The following ZSCAN4 variants were observed in gnomAD, a reference collection of about 807,000 sequenced individuals.
ZSCAN4 encodes zinc finger and SCAN domain-containing protein 4.
Under a neutral mutation model 18.3 loss-of-function variants are expected in ZSCAN4, and 18 were observed. The ratio of observed to expected loss-of-function variants is 0.98; its 90% CI spans 0.68 to 1.46. ZSCAN4 has a LOEUF of 1.46. Ranked by LOEUF, ZSCAN4 falls within the 40% of genes most tolerant of loss-of-function variation. The pLI is 0.00. For synonymous variants in ZSCAN4, 193 were observed against 180.3 expected (o/e 1.07, Z -0.57); for missense variants, 498 against 511.4 (o/e 0.97, Z 0.25).
chr19:57,659,009 A>G, the ZSCAN4 span, among the ~76,000 whole-genome samples: 23 of 152,258 alleles, frequency 1.5e-4, no homozygotes, highest in African/African-American at 4.6e-4. Context: ...GTCTGCACAT[A>G]TAGTCAATTA....
At chr19:57,665,286 C>G (rs1225190875), upstream of ZSCAN4, among the ~76,000 whole-genome samples, 1 of 152,166 alleles carries the variant, frequency 6.6e-6, no homozygotes, top group African/African-American at 2.4e-5. Flanking sequence ...TTTTCTGTAA[C>G]TTCAGTTCTG....
chr19:57,658,400 T>G, the ZSCAN4 span, among the ~76,000 whole-genome samples: 1 of 152,202 alleles, frequency 6.6e-6, no homozygotes, highest in East Asian at 1.9e-4. Context: ...ATTGTGGTAG[T>G]GGTTACATGC....
chr19:57,660,571 T>C, the ZSCAN4 span, among the ~76,000 whole-genome samples: 1 of 152,222 alleles, frequency 6.6e-6, no homozygotes, highest in Non-Finnish European at 1.5e-5. Context: ...CAGATAAATA[T>C]GGGGGAGTAG....
At chr19:57,670,473 G>A (rs974570118) in exon 2 of ZSCAN4, 2 of 152,216 alleles carry the variant, frequency 1.3e-5, no homozygotes, top group African/African-American at 4.8e-5. Context: ...ATAAAAGGGA[G>A]CAGCCTTAGG....
chr19:57,670,477 C>A (rs12984275), exon 2 of ZSCAN4: 2 of 151,884 alleles, frequency 1.3e-5, no homozygotes, highest in African/African-American at 4.8e-5. Flanking sequence ...AAGGGAGCAG[C>A]CTTAGGAGGC....
At position 57,678,883 on chromosome 19, in the gene ZSCAN4, C is replaced by T; in HGVS notation, c.1280C>T (p.Pro427Leu). 6.2e-7 allele frequency: 1 copy of T among 1,601,226 alleles called. No individual in the cohort carries two copies. The highest frequency in any genetic ancestry group is 1.3e-5 in the African/African-American group (1 of 74,340). The change falls in exon 5 of 5, where the codon CCC (proline) becomes CTC (leucine). Residue 427 changes from proline to leucine, a missense_variant. Transcript: ENST00000318203. ...GAGAAAATTACCCTGCCAAGTGTTC[C>T]CTCCACACCAGAAGCTTCCTAAGCT...
chr19:57,659,682 A>G, the ZSCAN4 span, among the ~76,000 whole-genome samples: 1 of 152,114 alleles, frequency 6.6e-6, no homozygotes, highest in African/African-American at 2.4e-5. Flanking sequence ...CCTTTGTTCT[A>G]TGGGATGACT....
chr19:57,664,711 C>A, upstream of ZSCAN4: 1 of 221,372 alleles, frequency 4.5e-6, no homozygotes, highest in South Asian at 7.9e-5. Flanking sequence ...TTTTGGGATT[C>A]GAATTCAGTG....
At chr19:57,679,128 T>G (rs893503515) in exon 5 of ZSCAN4, 3 of 360,522 alleles carry the variant, frequency 8.3e-6, no homozygotes, top group Non-Finnish European at 1.4e-5. Flanking sequence ...CCAATAAATT[T>G]CTGTTGAATA....
At chr19:57,678,000 G>A (rs1984240019) in exon 4 of ZSCAN4, 1 of 1,602,324 alleles carries the variant, frequency 6.2e-7, no homozygotes, top group Non-Finnish European at 8.5e-7. Flanking sequence ...CAAAACAAGT[G>A]AATGCCCAAA....
the ZSCAN4 span, among the ~76,000 whole-genome samples, chr19:57,663,520 T>TAAAAAA: frequency 0.034 from 2,275 of 66,548 alleles, 103 homozygotes; most frequent in African/African-American, 0.046. Context: ...ACCATGTCTC[T>TAAAAAA]AAAAAAAAAA....
exon 5 of ZSCAN4, chr19:57,678,199 C>T: frequency 6.2e-7 from 1 of 1,614,036 alleles, no homozygotes; most frequent in Non-Finnish European, 8.5e-7. Flanking sequence ...TGGAACAGTT[C>T]TTCGAAAACT....
intron 2 of ZSCAN4, among the ~76,000 whole-genome samples, chr19:57,673,586 G>A (rs1000595984): frequency 6.6e-6 from 1 of 152,046 alleles, no homozygotes; most frequent in Non-Finnish European, 1.5e-5. Context: ...GAGCTGTCAT[G>A]GCACCACTGC....
the ZSCAN4 span, among the ~76,000 whole-genome samples, chr19:57,656,015 T>C: frequency 6.6e-6 from 1 of 152,218 alleles, no homozygotes; most frequent in South Asian, 2.1e-4. Flanking sequence ...AAAGGGTCAA[T>C]ATTTACACTA....
At chr19:57,675,845 TTTG>T (rs1207572104) in intron 2 of ZSCAN4, among the ~76,000 whole-genome samples, 193 bp from the exon 3 acceptor site, 1 of 152,196 alleles carries the variant, frequency 6.6e-6, no homozygotes, top group Non-Finnish European at 1.5e-5. Flanking sequence ...TTTGTAAAAT[TTTG>T]TTATCAGGAA....
upstream of ZSCAN4, among the ~76,000 whole-genome samples, chr19:57,666,149 C>T (rs1286427667): frequency 6.6e-6 from 1 of 152,116 alleles, no homozygotes; most frequent in Non-Finnish European, 1.5e-5. Context: ...ATGAAGCAGC[C>T]GATGCCTGCC....
chr19:57,678,866 T>G lies in ZSCAN4; in HGVS notation c.1263T>G (p.Ile421Met), dbSNP rs765996430. Reference sequence around the variant, plus strand: ...GCCATATGAGGACTCATGAGAAAATTACCCTGCCAAGTGTTCCCTCCACAC... The same window carrying G: ...GCCATATGAGGACTCATGAGAAAATGACCCTGCCAAGTGTTCCCTCCACAC... Residue 421 changes from isoleucine (I) to methionine (M), a missense_variant, in exon 5 of 5, where the codon ATT becomes ATG. Coordinates refer to ENST00000318203, the Ensembl canonical transcript of ZSCAN4. The G allele has an allele frequency of 7.4e-6, 12 of 1,611,188 alleles. No individual in the cohort carries two copies. In the South Asian group the frequency reaches 1.2e-4, roughly 16 times the overall value.
Position 57,678,597 on chromosome 19 carries a change from A to C in ZSCAN4, c.994A>C (p.Arg332=), listed in dbSNP as rs149525101. Residue 332 remains arginine (R), a synonymous_variant, in exon 5 of 5, where the codon AGA becomes CGA. Transcript: ENST00000318203. The stretch of plus-strand genomic sequence containing the variant: ...TCTCTGTCACTTATTAGCTCACCAG[A>C]GAAGACACAGGAATGAGAGGCCATT... The C allele has an allele frequency of 2.5e-4, 411 of 1,614,062 alleles. 2 individuals carry two copies. In the African/African-American group the frequency reaches 5.1e-3, roughly 20 times the overall value.
At chr19:57,661,798 C>G in the ZSCAN4 span, among the ~76,000 whole-genome samples, 1 of 152,042 alleles carries the variant, frequency 6.6e-6, no homozygotes, top group Non-Finnish European at 1.5e-5. Flanking sequence ...AAAGAACTAC[C>G]ATGCTGGGCG....
Sources: allele counts gnomAD v4.1 joint callset (sites outside exome capture counted in the v4.1 genomes callset), GRCh38; gene constraint gnomAD v4.1.1; transcripts MANE v1.5; gene names NCBI Gene and HGNC (gene_info 2026-07-23, HGNC 2026-07-21).